NUBPL: variants seen among roughly 807,000 people sequenced by gnomAD.
NUBPL encodes iron-sulfur cluster transfer protein NUBPL.
NUBPL carries 31 observed loss-of-function variants against 45.7 expected under a neutral mutation model. That is an observed-to-expected ratio of 0.68 (90% CI 0.51 to 0.92). The LOEUF is 0.92. NUBPL is among the 40% of genes least tolerant of loss of function. NUBPL has a pLI of 0.00. For synonymous variants in NUBPL, 144 were observed against 140.9 expected (o/e 1.02, Z -0.15); for missense variants, 401 against 398.7 (o/e 1.01, Z -0.05).
At position 31,699,439 on chromosome 14, in the gene NUBPL, T is replaced by C. The variant is rs1026057999; in HGVS notation, c.513+25865T>C. Among the ~76,000 whole-genome samples, 7 of 152,348 alleles carry C rather than the reference T, an allele frequency of 4.6e-5. 1 individual carries two copies. In the Middle Eastern group the frequency reaches 0.014, roughly 296 times the overall value. On this transcript the variant is annotated intron_variant, in intron 6 of 10. Coordinates refer to ENST00000281081, the MANE Select transcript of NUBPL (RefSeq NM_025152.3). ...TTCACATTTAAATCACACAATTCTA[T>C]ATAATGTACTATTACTATTATTTTT...
intron 3 of NUBPL, among the ~76,000 whole-genome samples, chr14:31,597,534 G>A (rs1418313677): frequency 6.6e-6 from 1 of 152,056 alleles, no homozygotes; most frequent in African/African-American, 2.4e-5. Flanking sequence ...TCTTATATTA[G>A]TTAGAACACT....
chr14:31,735,057 T>G (rs11846852), intron 6 of NUBPL, among the ~76,000 whole-genome samples: 24,226 of 152,042 alleles, frequency 0.16, 5,520 homozygotes, highest in African/African-American at 0.51. Context: ...TAGAAGGTGT[T>G]TAGTAGCATC....
chr14:31,599,501 T>C, intron 4 of NUBPL, 122 bp downstream of exon 4: 1 of 686,134 alleles, frequency 1.5e-6, no homozygotes, highest in Non-Finnish European at 2.5e-6. Flanking sequence ...AGTCCTCACT[T>C]AAGTTAGTAG....
intron 10 of NUBPL, among the ~76,000 whole-genome samples, chr14:31,851,826 T>C (rs1660982111): frequency 6.6e-6 from 1 of 152,232 alleles, no homozygotes; most frequent in Non-Finnish European, 1.5e-5. Flanking sequence ...TCCTAGTGAA[T>C]AAGAATAATT....
intron 6 of NUBPL, among the ~76,000 whole-genome samples, chr14:31,701,077 CA>C (rs1232204210): frequency 2.6e-5 from 4 of 152,320 alleles, no homozygotes; most frequent in Non-Finnish European, 4.4e-5. Context: ...CACCAGTCAG[CA>C]CTCTGTGTCT....
chr14:31,573,693 A>T (rs1377741321), intron 3 of NUBPL, among the ~76,000 whole-genome samples: 1 of 152,104 alleles, frequency 6.6e-6, no homozygotes, highest in East Asian at 1.9e-4. Context: ...CCACTGCTTT[A>T]TTTGGATCCA....
At chr14:31,717,802 A>G (rs2037722488) in intron 6 of NUBPL, among the ~76,000 whole-genome samples, 1 of 151,824 alleles carries the variant, frequency 6.6e-6, no homozygotes, top group African/African-American at 2.4e-5. Flanking sequence ...TGGTATTTTC[A>G]GCTTTCGGCC....
At chr14:31,646,212 A>C (rs1339632196) in intron 4 of NUBPL, among the ~76,000 whole-genome samples, 1 of 151,052 alleles carries the variant, frequency 6.6e-6, no homozygotes, top group Non-Finnish European at 1.5e-5. Context: ...TTTGAGACTG[A>C]GTCTTGCTCT....
intron 6 of NUBPL, among the ~76,000 whole-genome samples, chr14:31,782,502 G>A (rs905036510): frequency 1.3e-5 from 2 of 151,924 alleles, no homozygotes; most frequent in Non-Finnish European, 2.9e-5. Flanking sequence ...TAAAAACATA[G>A]AAATCTTGCT....
chr14:31,642,273 A>T (rs1253312670), intron 4 of NUBPL, among the ~76,000 whole-genome samples: 3 of 152,136 alleles, frequency 2.0e-5, no homozygotes, highest in Non-Finnish European at 4.4e-5. Flanking sequence ...AACGTTCTGG[A>T]GCATTTACTT....
intron 4 of NUBPL, among the ~76,000 whole-genome samples, chr14:31,661,383 ATTAAGT>A (rs1169513601): frequency 4.6e-5 from 7 of 152,206 alleles, no homozygotes; most frequent in Admixed American, 6.5e-5. Context: ...AAGTTTTTCT[ATTAAGT>A]TTATGTGGAG....
intron 4 of NUBPL, among the ~76,000 whole-genome samples, chr14:31,612,274 T>C (rs1456507244): frequency 6.6e-6 from 1 of 152,218 alleles, no homozygotes; most frequent in Non-Finnish European, 1.5e-5. Flanking sequence ...GACAAATCTA[T>C]AGGAAAACAA....
rs771883848 is a variant in NUBPL, at chr14:31,599,404, A to G, written c.382+25A>G. On this transcript the variant is annotated intron_variant, in intron 4 of 10. Coordinates refer to ENST00000281081, the MANE Select transcript of NUBPL (RefSeq NM_025152.3). The stretch of plus-strand genomic sequence containing the variant: ...AGTAAGTAAAGAAGGGATAAATATT[A>G]TAATAATAGTTGCACTTTTATTAAT... 6.2e-5 allele frequency: 92 copies of G among 1,495,212 alleles called. No homozygotes were observed. In the Admixed American group the frequency reaches 1.4e-3, roughly 23 times the overall value. The allele number at this position is 1,495,212 out of a possible 1,614,324, so 92.6% of individuals were successfully genotyped here. A position where few individuals can be genotyped will look rare whatever the true frequency, so the allele number is the denominator to read the frequency against.
intron 8 of NUBPL, among the ~76,000 whole-genome samples, chr14:31,828,296 G>T (rs999939418): frequency 6.6e-6 from 1 of 152,082 alleles, no homozygotes; most frequent in African/African-American, 2.4e-5. Context: ...ACTAAATAAG[G>T]TTACTTGTTA....
At chr14:31,599,000 G>C (rs1346888503) in intron 3 of NUBPL, among the ~76,000 whole-genome samples, 1 of 152,148 alleles carries the variant, frequency 6.6e-6, no homozygotes, top group East Asian at 1.9e-4. Flanking sequence ...GTCTGCTTGA[G>C]ACTATATGAG....
At chr14:31,582,622 T>A (rs1190682377) in intron 3 of NUBPL, among the ~76,000 whole-genome samples, 1 of 152,120 alleles carries the variant, frequency 6.6e-6, no homozygotes, top group Non-Finnish European at 1.5e-5. Context: ...ATCTTAGTAT[T>A]ACTTATTTTT....
chr14:31,640,240 AAAATCAGTTCTTT>A (rs1332138669), intron 4 of NUBPL, among the ~76,000 whole-genome samples: 8 of 152,088 alleles, frequency 5.3e-5, no homozygotes, highest in African/African-American at 1.9e-4. Context: ...GCCCTCCGAC[AAAATCAGTTCTTT>A]ACACTACTTT....
chr14:31,610,608 C>CAAAAAAAAAAAAAAAAAAAAAAA (rs775656176), intron 4 of NUBPL, among the ~76,000 whole-genome samples: 11 of 94,702 alleles, frequency 1.2e-4, no homozygotes, highest in African/African-American at 2.6e-4. Context: ...AAAGATACAT[C>CAAAAAAAAAAAAAAAAAAAAAAA]AAAAAAAAAA....
chr14:31,580,704 G>A (rs1405458222), intron 3 of NUBPL, among the ~76,000 whole-genome samples: 1 of 152,204 alleles, frequency 6.6e-6, no homozygotes, highest in Non-Finnish European at 1.5e-5. Flanking sequence ...TGACATTTGA[G>A]CAGACATCTG....
Sources: gnomAD v4.1 joint callset for allele counts (sites outside exome capture counted in the v4.1 genomes callset) on GRCh38, gnomAD v4.1.1 for gene constraint, MANE v1.5 for transcripts, NCBI Gene and HGNC (gene_info 2026-07-23, HGNC 2026-07-21) for gene names.